The following MBIP variants were observed in gnomAD, a reference collection of about 807,000 sequenced individuals.
The protein encoded by MBIP is MAP3K12-binding inhibitory protein 1.
In MBIP, 32 loss-of-function variants were observed where a neutral mutation model predicts 45.7. That is an observed-to-expected ratio of 0.70 (90% confidence interval 0.53 to 0.94). MBIP has a LOEUF of 0.94. MBIP is among the 40% of genes least tolerant of loss of function. The pLI is 0.00. For synonymous variants in MBIP, 145 were observed against 141.0 expected, an observed-to-expected ratio of 1.03 and a Z score of -0.20; for missense variants, 381 against 405.5, an observed-to-expected ratio of 0.94 and a Z score of 0.52.
chr14:36,313,051 TTAG>T (rs1322589425), intron 4 of MBIP, among the ~76,000 whole-genome samples: 1 of 152,050 alleles, frequency 6.6e-6, no homozygotes. Context: ...TGAACTTTCC[TTAG>T]TAGTTCTGTT....
Position 36,314,857 on chromosome 14 carries a change from T to C in MBIP, c.308A>G (p.Glu103Gly). 6.2e-7 allele frequency: 1 copy of C among 1,613,492 alleles called. No individual in the cohort carries two copies. The highest frequency in any genetic ancestry group is 8.5e-7 in the Non-Finnish European group (1 of 1,179,624). The change falls in exon 3 of 9, where the codon GAG becomes GGG. Residue 103 changes from glutamate to glycine, a missense_variant. Glu to Gly is a moderately conservative substitution (Grantham distance 98, BLOSUM62 -2). Transcript: ENST00000416007. The part of the protein sequence containing the change: ...IKEENTTAVE[E>G]IGRTEMGNKN... ...GTTCCCCATTTCTGTTCTTCCTATC[T>C]CTTCAACAGCAGTTGTATTCTCCTC...
intron 4 of MBIP, among the ~76,000 whole-genome samples, chr14:36,312,243 G>T (rs185405489): frequency 6.6e-6 from 1 of 151,964 alleles, no homozygotes; most frequent in East Asian, 1.9e-4. Context: ...CTAATGTTCA[G>T]ATTTATATAC....
chr14:36,306,723 T>G (rs1247696193), intron 7 of MBIP, among the ~76,000 whole-genome samples: 2 of 152,210 alleles, frequency 1.3e-5, no homozygotes, highest in African/African-American at 4.8e-5. Flanking sequence ...GAAATTGAAC[T>G]AGAAAAATAA....
intron 4 of MBIP, among the ~76,000 whole-genome samples, chr14:36,313,059 T>C (rs1880303077): frequency 6.6e-6 from 1 of 152,058 alleles, no homozygotes. Flanking sequence ...CCTTAGTAGT[T>C]CTGTTGATAA....
intron 2 of MBIP, 103 bp from the exon 3 acceptor site, chr14:36,315,018 A>G (rs1304500029): frequency 7.3e-6 from 5 of 688,716 alleles, no homozygotes; most frequent in Non-Finnish European, 1.2e-5. Context: ...GAAATACTTA[A>G]TATCAGTTAA....
chr14:36,300,680 C>T, intron 8 of MBIP, 105 bp downstream of exon 8: 11 of 744,478 alleles, frequency 1.5e-5, no homozygotes, highest in South Asian at 1.1e-4. Flanking sequence ...TAAATTTTAC[C>T]AGGGTATGAC....
intron 6 of MBIP, among the ~76,000 whole-genome samples, chr14:36,308,912 ACAT>A (rs879549598): frequency 1.3e-5 from 2 of 152,176 alleles, no homozygotes; most frequent in Admixed American, 6.5e-5. Flanking sequence ...AAGTTAGATC[ACAT>A]CATTTCTCTG....
chr14:36,312,995 A>C (rs1249803182), intron 4 of MBIP, among the ~76,000 whole-genome samples: 1 of 152,082 alleles, frequency 6.6e-6, no homozygotes, highest in African/African-American at 2.4e-5. Context: ...GTAGGTATTA[A>C]AAGGAACACA....
At chr14:36,304,494 A>G (rs1466414278) in intron 7 of MBIP, among the ~76,000 whole-genome samples, 1 of 152,256 alleles carries the variant, frequency 6.6e-6, no homozygotes, top group Non-Finnish European at 1.5e-5. Context: ...GTTTTCAAGT[A>G]TCATAATTTA....
At position 36,299,093 on chromosome 14, in the gene MBIP, T is replaced by C. The variant is rs1300811651; in HGVS notation, c.1025A>G (p.His342Arg). 3 of 1,613,148 alleles carry C rather than the reference T, an allele frequency of 1.9e-6. No homozygotes were observed. ...GATGAGAGGAGTTTTTCATGGAAGG[T>C]GGTGGGTTGCCATGGATTCTGCTTC... ...SREAESMATH[H>R]LP is the part of the protein sequence containing the mutation. Residue 342 changes from histidine (H) to arginine (R), a missense_variant, in exon 9 of 9, where the codon CAC (histidine) becomes CGC (arginine). Coordinates refer to ENST00000416007, the MANE Select transcript of MBIP (RefSeq NM_016586.3).
In MBIP at chr14:36,304,825, G is replaced by A. The variant is rs887061288; in HGVS notation, c.888+3267C>T. On this transcript the variant is annotated intron_variant, in intron 7 of 8. Transcript: ENST00000416007. ...ATAAATATTTGTTTTTCTATGCTAC[G>A]CTTCAATGTTACCCATGATAATCAA... 2.0e-4 allele frequency among the ~76,000 whole-genome samples: 31 copies of A among 151,962 alleles called. 1 individual carries two copies. Among genetic ancestry groups the A allele is most frequent in the African/African-American group, 7.0e-4 (29 of 41,364 alleles).
chr14:36,319,238 T>G (rs1193980269), intron 1 of MBIP, among the ~76,000 whole-genome samples: 1 of 152,180 alleles, frequency 6.6e-6, no homozygotes, highest in Non-Finnish European at 1.5e-5. Context: ...ATAAATAAAC[T>G]TAAGTTCCAA....
At position 36,300,796 on chromosome 14, in the gene MBIP, G is replaced by GA. The variant is rs1315581018; in HGVS notation, c.915dup (p.Gln306SerfsTer11). ...ATGCAGTAACTTACTTGAGGTGGTT[G>GA]AACTTTTCTTCTTTTTCCAGAAAAG... On this transcript the variant is annotated frameshift_variant, in exon 8 of 9. Coordinates refer to ENST00000416007, the MANE Select transcript of MBIP (RefSeq NM_016586.3). LOFTEE classifies it high-confidence loss of function. 1.3e-6 allele frequency: 2 copies of GA among 1,547,754 alleles called. No individual in the cohort carries two copies. The highest frequency in any genetic ancestry group is 1.8e-6 in the Non-Finnish European group (2 of 1,140,246).
intron 1 of MBIP, chr14:36,319,614 T>C (rs1880769458): frequency 4.6e-6 from 2 of 438,448 alleles, no homozygotes; most frequent in Admixed American, 5.0e-5. Context: ...GCCTGCTTTG[T>C]CCACTTGCGC....
intron 8 of MBIP, among the ~76,000 whole-genome samples, chr14:36,300,398 C>T (rs1235035769): frequency 6.6e-6 from 1 of 152,146 alleles, no homozygotes; most frequent in East Asian, 1.9e-4. Flanking sequence ...TAAAGTAGCA[C>T]TTTAGACAGG....
chr14:36,312,457 GAATT>G (rs1268132478), intron 4 of MBIP, among the ~76,000 whole-genome samples: 2 of 152,000 alleles, frequency 1.3e-5, no homozygotes, highest in South Asian at 2.1e-4. Context: ...CCAACAAAAA[GAATT>G]ATTTAACATT....
chr14:36,320,322 C>T (rs904322485), intron 1 of MBIP, 138 bp downstream of exon 1: 36 of 1,227,576 alleles, frequency 2.9e-5, no homozygotes, highest in Non-Finnish European at 3.7e-5. Flanking sequence ...TGGGCCCGGG[C>T]TCCTTCCACA....
At chr14:36,309,832 C>T (rs1880098328) in intron 6 of MBIP, among the ~76,000 whole-genome samples, 1 of 152,176 alleles carries the variant, frequency 6.6e-6, no homozygotes, top group East Asian at 1.9e-4. Flanking sequence ...GACAGACTCT[C>T]ACTATACTGT....
chr14:36,320,408 G>A, intron 1 of MBIP, 52 bp downstream of exon 1: 1 of 1,611,806 alleles, frequency 6.2e-7, no homozygotes, highest in Non-Finnish European at 8.5e-7. Context: ...AAAGAATGGC[G>A]AGGAGGGACC....
Sources: allele counts gnomAD v4.1 joint callset (sites outside exome capture counted in the v4.1 genomes callset), GRCh38; gene constraint gnomAD v4.1.1; transcripts MANE v1.5; gene names NCBI Gene and HGNC (gene_info 2026-07-23, HGNC 2026-07-21).